Variants in SUFU observed in about 807,000 individuals in gnomAD.
The protein encoded by SUFU is SUFU negative regulator of hedgehog signaling, also known as suppressor of fused homolog.
In SUFU, 7 loss-of-function variants were observed where a neutral mutation model predicts 58.9. The observed-to-expected ratio is 0.12, with a 90% confidence interval of 0.07 to 0.22. The LOEUF is 0.22. Ranked by LOEUF, SUFU falls within the 10% of genes least tolerant of loss-of-function variation. The probability of loss-of-function intolerance (pLI) is 1.00; values close to 1 mark genes in which losing one functional copy is unlikely to be tolerated. For missense variants in SUFU, 451 were observed against 641.3 expected (o/e 0.70, Z 3.20); for synonymous variants, 232 against 254.8 (o/e 0.91, Z 0.85).
intron 2 of SUFU, among the ~76,000 whole-genome samples, chr10:102,519,137 CAAAA>C (rs386372286): frequency 2.3e-5 from 2 of 86,760 alleles, no homozygotes; most frequent in East Asian, 3.7e-4. Flanking sequence ...GACTCTGTCT[CAAAA>C]AAAAAAAAAA....
intron 2 of SUFU, among the ~76,000 whole-genome samples, chr10:102,523,125 G>C (rs2062570607): frequency 6.6e-6 from 1 of 152,146 alleles, no homozygotes; most frequent in Non-Finnish European, 1.5e-5. Context: ...GCTTCTCAGA[G>C]AGGTATGGTT....
At chr10:102,534,010 G>A (rs1159846774) in intron 2 of SUFU, among the ~76,000 whole-genome samples, 1 of 152,184 alleles carries the variant, frequency 6.6e-6, no homozygotes, top group Non-Finnish European at 1.5e-5. Context: ...AAGTATCTAG[G>A]TCTGGTTCTT....
chr10:102,529,719 G>A (rs1014680600), intron 2 of SUFU, among the ~76,000 whole-genome samples: 2 of 151,870 alleles, frequency 1.3e-5, no homozygotes, highest in African/African-American at 4.8e-5. Context: ...GGCCAAGGCG[G>A]GCAGATCACA....
chr10:102,540,238 C>G (rs556505102), intron 2 of SUFU, among the ~76,000 whole-genome samples: 14 of 152,292 alleles, frequency 9.2e-5, no homozygotes, highest in African/African-American at 3.1e-4. Flanking sequence ...TGGAGTGTCA[C>G]TGCTCCCAGT....
chr10:102,540,438 G>A (rs1313679945), intron 2 of SUFU, among the ~76,000 whole-genome samples: 1 of 152,040 alleles, frequency 6.6e-6, no homozygotes, highest in East Asian at 1.9e-4. Flanking sequence ...ATCACTTGAG[G>A]TCAGTAGTTC....
intron 2 of SUFU, 92 bp from the exon 3 acceptor site, chr10:102,549,878 C>G: frequency 6.6e-7 from 1 of 1,520,202 alleles, no homozygotes. Context: ...GATACTGAGG[C>G]CACCATAAAA....
In SUFU at chr10:102,632,156, TTGGTTGGG is replaced by T. The variant is rs1234121016; in HGVS notation, c.*2005_*2012del. The T allele has an allele frequency of 9.4e-5, 22 of 233,174 alleles. No individual in the cohort carries two copies. Among genetic ancestry groups the T allele is most frequent in the African/African-American group, 4.6e-4 (21 of 45,396 alleles). 14.4% of individuals were successfully genotyped at this position (233,174 alleles called of 1,614,324 possible). On this transcript the variant is annotated 3_prime_UTR_variant, in exon 12 of 12. Transcript: ENST00000369902. ...TTCCATCTGCTGGGTGCCTCCATCG[TTGGTTGGG>T]TGGGGATGGGGCATTTTCTGAGCTA...
At chr10:102,585,792 G>A (rs955870658) in intron 3 of SUFU, among the ~76,000 whole-genome samples, 2 of 151,720 alleles carry the variant, frequency 1.3e-5, no homozygotes, top group Non-Finnish European at 2.9e-5. Flanking sequence ...ACTTTGGGAG[G>A]CCACTGCACT....
chr10:102,615,516 C>T, intron 9 of SUFU, 114 bp downstream of exon 9: 1 of 1,507,152 alleles, frequency 6.6e-7, no homozygotes, highest in East Asian at 2.3e-5. Context: ...CCAGGGCCTC[C>T]AAGGAGCCAC....
chr10:102,530,979 T>C (rs1377656506), intron 2 of SUFU, among the ~76,000 whole-genome samples: 1 of 151,486 alleles, frequency 6.6e-6, no homozygotes, highest in East Asian at 1.9e-4. Flanking sequence ...GGTTCACACC[T>C]GTAGTCCCAG....
At chr10:102,524,794 G>A (rs1286884015) in intron 2 of SUFU, among the ~76,000 whole-genome samples, 1 of 152,182 alleles carries the variant, frequency 6.6e-6, no homozygotes, top group Non-Finnish European at 1.5e-5. Context: ...ATGGAAATGT[G>A]CTTTATCCAT....
chr10:102,583,896 G>A (rs1231991557), intron 3 of SUFU, among the ~76,000 whole-genome samples: 1 of 152,090 alleles, frequency 6.6e-6, no homozygotes, highest in Non-Finnish European at 1.5e-5. Flanking sequence ...GTGATGTTCG[G>A]TTTGGGGTAT....
chr10:102,551,553 G>T (rs1043012954), intron 3 of SUFU, among the ~76,000 whole-genome samples: 2 of 151,364 alleles, frequency 1.3e-5, no homozygotes, highest in Non-Finnish European at 1.5e-5. Flanking sequence ...CAGGAGAATC[G>T]CTTGAACGCG....
intron 3 of SUFU, chr10:102,579,780 G>A: frequency 1.0e-6 from 1 of 978,838 alleles, no homozygotes. Context: ...GACAGAGCTA[G>A]CTGAGGGAAG....
chr10:102,573,628 AT>A (rs2063184500), intron 3 of SUFU, among the ~76,000 whole-genome samples: 1 of 152,252 alleles, frequency 6.6e-6, no homozygotes, highest in Non-Finnish European at 1.5e-5. Context: ...ATAATGGAAT[AT>A]TACTCAGCCT....
rs1245974740 is a variant in SUFU, at chr10:102,628,828, C to A, written c.1366-1238C>A. On this transcript the variant is annotated intron_variant, in intron 11 of 11. Transcript: ENST00000369902. The surrounding 1 kb of genome is among the most constrained non-coding windows in gnomAD (Gnocchi z 4.5). ...GAGAACACTGTTCTCTCCTTTCCACCCTGCCCTGACTTCCGGCCTAGCCAA... is the reference window on the plus strand; with the variant it reads ...GAGAACACTGTTCTCTCCTTTCCACACTGCCCTGACTTCCGGCCTAGCCAA... Among the ~76,000 whole-genome samples the A allele has an allele frequency of 2.6e-5, 4 of 152,102 alleles. No homozygotes were observed. Among genetic ancestry groups the A allele is most frequent in the Non-Finnish European group, 1.5e-5 (1 of 68,012 alleles).
chr10:102,577,080 CTTTTCTTTTTT>C (rs1036408182), intron 3 of SUFU, among the ~76,000 whole-genome samples: 4 of 97,086 alleles, frequency 4.1e-5, no homozygotes, highest in African/African-American at 1.4e-4. Context: ...TGGATTTTTT[CTTTTCTTTTTT>C]TTTTTTTTTT....
chr10:102,520,130 C>T (rs771763628), intron 2 of SUFU, among the ~76,000 whole-genome samples: 2 of 151,528 alleles, frequency 1.3e-5, no homozygotes, highest in Admixed American at 6.6e-5. Context: ...CATTGGGGAA[C>T]CAATATTGAT....
intron 8 of SUFU, among the ~76,000 whole-genome samples, chr10:102,608,765 G>C (rs1474173540): frequency 6.6e-6 from 1 of 152,200 alleles, no homozygotes; most frequent in African/African-American, 2.4e-5. Context: ...GCTACAGTTG[G>C]AAAATGCTGG....
Sources: allele counts gnomAD v4.1 joint callset (sites outside exome capture counted in the v4.1 genomes callset), GRCh38; gene constraint gnomAD v4.1.1; non-coding constraint Gnocchi (gnomAD v3.1); transcripts MANE v1.5; gene names NCBI Gene and HGNC (gene_info 2026-07-23, HGNC 2026-07-21).